EIF2A: variants seen among roughly 807,000 people sequenced by gnomAD.
The protein encoded by EIF2A is 65 kDa eukaryotic translation initiation factor 2A.
In EIF2A, 62 loss-of-function variants were observed where a neutral mutation model predicts 75.2. That is an observed-to-expected ratio of 0.82 (90% CI 0.67 to 1.02). The LOEUF is 1.02. EIF2A is among the 50% of genes least tolerant of loss of function. The pLI is 0.00. For synonymous variants in EIF2A, 207 were observed against 239.0 expected, an observed-to-expected ratio of 0.87 and a Z score of 1.23; for missense variants, 611 against 677.7, an observed-to-expected ratio of 0.90 and a Z score of 1.09.
intron 1 of EIF2A, chr3:150,547,303 A>G: frequency 5.7e-6 from 1 of 175,426 alleles, no homozygotes; most frequent in Non-Finnish European, 1.3e-5. Flanking sequence ...AGGACTGAAT[A>G]GGGAGAGTGG....
intron 2 of EIF2A, among the ~76,000 whole-genome samples, chr3:150,553,214 TC>T (rs1361755196): frequency 6.7e-6 from 1 of 150,166 alleles, no homozygotes; most frequent in Non-Finnish European, 1.5e-5. Flanking sequence ...GCTACTCTAC[TC>T]GGGAGGCTGA....
At chr3:150,581,301 A>T (rs1000628701) in intron 11 of EIF2A, among the ~76,000 whole-genome samples, 2 of 152,160 alleles carry the variant, frequency 1.3e-5, no homozygotes, top group Non-Finnish European at 2.9e-5. Flanking sequence ...TAAGAGTGAA[A>T]CTTTAAACAC....
In EIF2A at chr3:150,555,613, G is replaced by T. The variant is rs141993252; in HGVS notation, c.99-2775G>T. 4.0e-4 allele frequency among the ~76,000 whole-genome samples: 61 copies of T among 151,976 alleles called. No individual in the cohort carries two copies. In the East Asian group the frequency reaches 0.01, roughly 26 times the overall value. On this transcript the variant is annotated intron_variant, in intron 2 of 13. Transcript: ENST00000460851. ...ACTCTAGAAAACCCAGTCTGGCTGG[G>T]CGCGGTGGCTCATGCCTGTAATCCC...
chr3:150,556,230 T>C (rs1209939915), intron 2 of EIF2A, among the ~76,000 whole-genome samples: 2 of 152,194 alleles, frequency 1.3e-5, no homozygotes, highest in Non-Finnish European at 2.9e-5. Flanking sequence ...ACAATCTCAG[T>C]ATCACTAAGA....
chr3:150,583,060 T>C (rs1725280087), intron 12 of EIF2A, 140 bp from the exon 13 acceptor site: 1 of 712,742 alleles, frequency 1.4e-6, no homozygotes, highest in African/African-American at 1.8e-5. Context: ...AAACAATTTA[T>C]CCTAGCATTT....
intron 12 of EIF2A, among the ~76,000 whole-genome samples, chr3:150,582,530 G>T (rs1170818893): frequency 1.8e-4 from 27 of 151,944 alleles, no homozygotes; most frequent in Admixed American, 1.8e-3. Context: ...TAGCCAGGAT[G>T]GTTTCAATCT....
At chr3:150,559,598 C>T (rs1040535821) in intron 3 of EIF2A, among the ~76,000 whole-genome samples, 10 of 145,990 alleles carry the variant, frequency 6.8e-5, no homozygotes, top group Non-Finnish European at 1.0e-4. Flanking sequence ...TCAAGCGATT[C>T]GCCTGCCTCA....
intron 12 of EIF2A, among the ~76,000 whole-genome samples, chr3:150,582,903 C>A (rs1451023176): frequency 6.6e-6 from 1 of 152,098 alleles, no homozygotes; most frequent in Admixed American, 6.5e-5. Context: ...GAAACATCAC[C>A]CAGGTCCAAT....
chr3:150,564,403 A>G (rs1724057131), intron 6 of EIF2A, 22 bp downstream of exon 6: 2 of 1,549,790 alleles, frequency 1.3e-6, no homozygotes, highest in Middle Eastern at 1.9e-4. Context: ...TTTATGACAT[A>G]ATTTTATTAC....
chr3:150,578,294 A>T lies in EIF2A; in HGVS notation c.1497+2532A>T, dbSNP rs572234532. Among the ~76,000 whole-genome samples, 5 of 148,748 alleles carry T rather than the reference A, an allele frequency of 3.4e-5. No individual in the cohort carries two copies. The East Asian group carries it at 9.7e-4, about 29-fold the overall frequency. On this transcript the variant is annotated intron_variant, in intron 11 of 13. Coordinates refer to ENST00000460851, the MANE Select transcript of EIF2A (RefSeq NM_032025.5). Reference sequence around the variant, plus strand: ...TAATTACATATGATTATAATTATTAATAATTATAACCATTAATTAATATAC... The same window carrying T: ...TAATTACATATGATTATAATTATTATTAATTATAACCATTAATTAATATAC...
intron 2 of EIF2A, among the ~76,000 whole-genome samples, chr3:150,553,157 A>C (rs1305266485): frequency 6.6e-6 from 1 of 152,070 alleles, no homozygotes; most frequent in Non-Finnish European, 1.5e-5. Flanking sequence ...ATCTCGGCTA[A>C]AAATACAAAA....
chr3:150,582,353 C>T (rs538125714), intron 12 of EIF2A, among the ~76,000 whole-genome samples: 1 of 148,556 alleles, frequency 6.7e-6, no homozygotes, highest in Non-Finnish European at 1.5e-5. Flanking sequence ...CTTGCTCTGT[C>T]GACCAGGTTG....
chr3:150,556,347 AG>A (rs1456203916), intron 2 of EIF2A, among the ~76,000 whole-genome samples: 11 of 152,204 alleles, frequency 7.2e-5, no homozygotes, highest in Non-Finnish European at 1.6e-4. Flanking sequence ...CTCAGAATTT[AG>A]TCAGTCTTTT....
At chr3:150,551,617 A>G (rs554978346) in intron 1 of EIF2A, among the ~76,000 whole-genome samples, 2 of 152,002 alleles carry the variant, frequency 1.3e-5, no homozygotes, top group South Asian at 2.1e-4. Context: ...AGTCCCAGCT[A>G]CTTGGGAAAC....
chr3:150,553,207 A>G (rs1559874009), intron 2 of EIF2A, among the ~76,000 whole-genome samples: 1 of 150,734 alleles, frequency 6.6e-6, no homozygotes, highest in Non-Finnish European at 1.5e-5. Context: ...AATCCCAGCT[A>G]CTCTACTCGG....
chr3:150,581,757 TAAAAAC>T lies in EIF2A; in HGVS notation c.1626+13_1626+18del, dbSNP rs1559887478. On this transcript the variant is annotated intron_variant, in intron 12 of 13. Coordinates refer to ENST00000460851, the MANE Select transcript of EIF2A (RefSeq NM_032025.5). ...AAGAACCTAAAGAAGGTGAGAGACT[TAAAAAC>T]AGATGTGCATATTGAAAGGTATACA... 1.9e-6 allele frequency: 3 copies of T among 1,556,470 alleles called. No homozygotes were observed. The highest frequency in any genetic ancestry group is 2.6e-6 in the Non-Finnish European group (3 of 1,149,518).
chr3:150,550,020 G>GAGA (rs1723238027), intron 1 of EIF2A, among the ~76,000 whole-genome samples: 1 of 152,086 alleles, frequency 6.6e-6, no homozygotes, highest in Non-Finnish European at 1.5e-5. Context: ...CTCTAACTCA[G>GAGA]GCCTAGAGCA....
intron 11 of EIF2A, among the ~76,000 whole-genome samples, chr3:150,576,678 G>C (rs995120362): frequency 6.6e-6 from 1 of 152,078 alleles, no homozygotes; most frequent in African/African-American, 2.4e-5. Flanking sequence ...GGTGTAGTTT[G>C]CTTTCCTTGA....
At chr3:150,575,910 G>A in intron 11 of EIF2A, 148 bp downstream of exon 11, 1 of 622,710 alleles carries the variant, frequency 1.6e-6, no homozygotes, top group Non-Finnish European at 2.7e-6. Flanking sequence ...CCAACGTGGT[G>A]AAACCCTGTC....
Sources: gnomAD v4.1 joint callset for allele counts (sites outside exome capture counted in the v4.1 genomes callset) on GRCh38, gnomAD v4.1.1 for gene constraint, MANE v1.5 for transcripts, NCBI Gene and HGNC (gene_info 2026-07-23, HGNC 2026-07-21) for gene names.